SCD5: variants seen among roughly 807,000 people sequenced by gnomAD.
SCD5 encodes the protein acyl-CoA-desaturase 4.
Under a neutral mutation model 30.4 loss-of-function variants are expected in SCD5, and 20 were observed. The ratio of observed to expected loss-of-function variants is 0.66; its 90% CI spans 0.46 to 0.96. The LOEUF (loss-of-function observed/expected upper bound fraction) is 0.96. SCD5 is among the 40% of genes least tolerant of loss of function. The pLI is 0.00. For synonymous variants in SCD5, 173 were observed against 176.4 expected (o/e 0.98, Z 0.16); for missense variants, 381 against 443.3 (o/e 0.86, Z 1.26).
intron 1 of SCD5, among the ~76,000 whole-genome samples, chr4:82,738,179 G>C (rs1371379489): frequency 6.6e-6 from 1 of 152,170 alleles, no homozygotes; most frequent in Non-Finnish European, 1.5e-5. Context: ...CCAGCACTTT[G>C]GGAGGCCTAG....
At chr4:82,714,937 A>G (rs1021840890) in intron 1 of SCD5, among the ~76,000 whole-genome samples, 4 of 149,522 alleles carry the variant, frequency 2.7e-5, no homozygotes, top group Non-Finnish European at 4.4e-5. Flanking sequence ...ACAGGATACC[A>G]TAAAGAATTT....
intron 1 of SCD5, among the ~76,000 whole-genome samples, chr4:82,757,246 T>A (rs1326704739): frequency 6.6e-6 from 1 of 152,180 alleles, no homozygotes; most frequent in East Asian, 1.9e-4. Context: ...TTTGTCTGTG[T>A]GGTTCTTCTG....
At chr4:82,721,539 T>C (rs28452728) in intron 1 of SCD5, among the ~76,000 whole-genome samples, 90,229 of 152,076 alleles carry the variant, frequency 0.59, 28,654 homozygotes, top group African/African-American at 0.83. Flanking sequence ...AATGAGGTCA[T>C]GGGCAGGCAA....
chr4:82,730,809 C>A lies in SCD5; in HGVS notation c.233-25396G>T, dbSNP rs572443208. 2.0e-5 allele frequency among the ~76,000 whole-genome samples: 3 copies of A among 152,270 alleles called. No homozygotes were observed. In the South Asian group the frequency reaches 6.2e-4, roughly 32 times the overall value. ...CCATGTTAGCCAAGATGGTCTCGGTCTCCTGACCTCGTAATCCGCTTGCCT... is the reference window on the plus strand; with the variant it reads ...CCATGTTAGCCAAGATGGTCTCGGTATCCTGACCTCGTAATCCGCTTGCCT... On this transcript the variant is annotated intron_variant, in intron 1 of 4. Coordinates refer to ENST00000319540, the MANE Select transcript of SCD5 (RefSeq NM_001037582.3).
chr4:82,694,293 C>A (rs892914700), intron 2 of SCD5, among the ~76,000 whole-genome samples: 5 of 152,158 alleles, frequency 3.3e-5, no homozygotes, highest in Non-Finnish European at 4.4e-5. Context: ...CAGATGCTTG[C>A]CCACGGTTCC....
intron 3 of SCD5, among the ~76,000 whole-genome samples, chr4:82,672,620 T>G (rs1465856380): frequency 6.6e-6 from 1 of 152,162 alleles, no homozygotes; most frequent in African/African-American, 2.4e-5. Context: ...TTTAATTCTC[T>G]ATGATAACTG....
At chr4:82,741,759 T>C (rs897999170) in intron 1 of SCD5, among the ~76,000 whole-genome samples, 4 of 145,778 alleles carry the variant, frequency 2.7e-5, no homozygotes, top group Non-Finnish European at 5.9e-5. Context: ...CAGACCCCCT[T>C]ACACAGAATT....
At position 82,779,008 on chromosome 4, in the gene SCD5, G is replaced by C. The variant is rs571222603; in HGVS notation, c.232+19298C>G. ...CAGCTCCCAAGTAGCTGGGATTACA[G>C]GCATGCGCCACCACGCCTGGCTAAT... On this transcript the variant is annotated intron_variant, in intron 1 of 4. Transcript: ENST00000319540. Among the ~76,000 whole-genome samples, 5 of 152,124 alleles carry C rather than the reference G, an allele frequency of 3.3e-5. No individual in the cohort carries two copies. In the East Asian group the frequency reaches 9.7e-4, roughly 30 times the overall value.
intron 1 of SCD5, among the ~76,000 whole-genome samples, chr4:82,735,145 C>G (rs535007766): frequency 2.0e-5 from 3 of 152,174 alleles, no homozygotes; most frequent in Admixed American, 6.5e-5. Flanking sequence ...GGTTTTGTTA[C>G]AATGTTGATG....
intron 4 of SCD5, among the ~76,000 whole-genome samples, chr4:82,632,516 T>C (rs960622427): frequency 3.3e-5 from 5 of 152,202 alleles, no homozygotes; most frequent in Admixed American, 2.6e-4. Context: ...TGTGTCTTTA[T>C]AGTAGCATGA....
intron 1 of SCD5, among the ~76,000 whole-genome samples, chr4:82,714,018 G>C (rs533499397): frequency 6.1e-4 from 93 of 152,256 alleles, no homozygotes; most frequent in Non-Finnish European, 5.1e-4. Context: ...CTCTCTTTAA[G>C]TCTGGCCCTT....
At chr4:82,664,210 C>T (rs1728111786) in intron 3 of SCD5, among the ~76,000 whole-genome samples, 1 of 152,160 alleles carries the variant, frequency 6.6e-6, no homozygotes, top group African/African-American at 2.4e-5. Context: ...GGGTAGCCAT[C>T]CAGTGAAGTC....
intron 1 of SCD5, among the ~76,000 whole-genome samples, chr4:82,722,464 C>T (rs754253441): frequency 8.5e-5 from 13 of 152,202 alleles, no homozygotes; most frequent in Non-Finnish European, 1.8e-4. Flanking sequence ...TCCAAAGCTA[C>T]TTACAAAAAG....
rs557174288 is a variant in SCD5, at chr4:82,714,181, A to G, written c.233-8768T>C. Among the ~76,000 whole-genome samples, 77 of 152,276 alleles carry G rather than the reference A, an allele frequency of 5.1e-4. 1 individual carries two copies. The highest frequency in any genetic ancestry group is 1.8e-3 in the African/African-American group (74 of 41,546). ...CTCTTATGTTAAAAAGCAAAATTTA[A>G]AAACCTCTCTTGACCCCACTTCCCC... is the stretch of plus-strand genomic sequence containing the variant. On this transcript the variant is annotated intron_variant, in intron 1 of 4. Transcript: ENST00000319540.
intron 1 of SCD5, among the ~76,000 whole-genome samples, chr4:82,708,913 A>ATAT: frequency 1.2e-5 from 1 of 83,498 alleles, no homozygotes; most frequent in Non-Finnish European, 2.5e-5. Context: ...GAACATTAAT[A>ATAT]AATAATATTG....
intron 1 of SCD5, among the ~76,000 whole-genome samples, chr4:82,783,022 C>A (rs1485481574): frequency 6.6e-6 from 1 of 152,230 alleles, no homozygotes; most frequent in Non-Finnish European, 1.5e-5. Context: ...ATAAGAACCA[C>A]CAGCAACACT....
intron 3 of SCD5, chr4:82,659,741 T>G (rs1398996372): frequency 6.6e-6 from 1 of 152,214 alleles, no homozygotes; most frequent in Non-Finnish European, 1.5e-5. Context: ...AGTGTTTTAC[T>G]TCCAATTATA....
rs745553554 is a variant in SCD5, at chr4:82,631,556, A to G, written c.803-39T>C. ...CGGGCATTGATATAATTCAATCACC[A>G]CCTCTCTGCATAGATGTTTTGAATC... On this transcript the variant is annotated intron_variant, in intron 4 of 4. Coordinates refer to ENST00000319540, the MANE Select transcript of SCD5 (RefSeq NM_001037582.3). 4 of 1,595,132 alleles carry G rather than the reference A, an allele frequency of 2.5e-6. No individual in the cohort carries two copies. The South Asian group carries it at 4.5e-5, about 18-fold the overall frequency.
intron 3 of SCD5, among the ~76,000 whole-genome samples, chr4:82,638,358 C>CT (rs1727475687): frequency 6.6e-6 from 1 of 152,120 alleles, no homozygotes; most frequent in African/African-American, 2.4e-5. Flanking sequence ...GCTCCATTGA[C>CT]AGGCATGGAT....
Sources: gnomAD v4.1 joint callset for allele counts (sites outside exome capture counted in the v4.1 genomes callset) on GRCh38, gnomAD v4.1.1 for gene constraint, MANE v1.5 for transcripts, NCBI Gene and HGNC (gene_info 2026-07-23, HGNC 2026-07-21) for gene names.